CSMD1: variants seen among roughly 807,000 people sequenced by gnomAD.
CSMD1 encodes CUB and Sushi multiple domains 1, also known as CUB and sushi domain-containing protein 1.
Under a neutral mutation model 417.5 loss-of-function variants are expected in CSMD1, and 213 were observed. The observed-to-expected ratio is 0.51, with a 90% CI of 0.46 to 0.57. The LOEUF is 0.57. CSMD1 is among the 20% of genes least tolerant of loss of function. The pLI is 0.00. For synonymous variants in CSMD1, 2,862 were observed against 1,736.8 expected (o/e 1.65, Z -16.11); for missense variants, 6,923 against 4,529.7 (o/e 1.53, Z -15.17).
intron 69 of CSMD1, among the ~76,000 whole-genome samples, chr8:2,940,568 G>C (rs1173946343): frequency 1.3e-5 from 2 of 152,156 alleles, no homozygotes; most frequent in African/African-American, 4.8e-5. Context: ...CCTTCACGGA[G>C]ACACCCAACT....
At chr8:4,795,872 G>A (rs978193656) in intron 1 of CSMD1, among the ~76,000 whole-genome samples, 1 of 152,064 alleles carries the variant, frequency 6.6e-6, no homozygotes, top group African/African-American at 2.4e-5. Flanking sequence ...GGAACCATGA[G>A]GTGTTGTTCT....
intron 2 of CSMD1, among the ~76,000 whole-genome samples, chr8:4,482,673 T>A (rs1489343754): frequency 2.6e-5 from 4 of 152,214 alleles, no homozygotes; most frequent in Non-Finnish European, 4.4e-5. Context: ...GTTTCCACAC[T>A]GTCTTCCACA....
intron 3 of CSMD1, among the ~76,000 whole-genome samples, chr8:4,248,474 C>A (rs952860408): frequency 1.3e-5 from 2 of 152,136 alleles, no homozygotes; most frequent in Non-Finnish European, 2.9e-5. Flanking sequence ...TCAGTCGTTA[C>A]TTACGAATAC....
At chr8:4,578,437 G>T (rs62486669) in intron 2 of CSMD1, among the ~76,000 whole-genome samples, 149,368 of 149,368 alleles carry the variant, frequency 1, 74,684 homozygotes, top group Non-Finnish European at 1. Context: ...CCTCAGCAAG[G>T]GACTACATCA....
chr8:3,178,410 T>G (rs1054677473), intron 37 of CSMD1, among the ~76,000 whole-genome samples: 3 of 152,048 alleles, frequency 2.0e-5, no homozygotes, highest in Non-Finnish European at 4.4e-5. Flanking sequence ...TCTCCAGACA[T>G]TTTTCAGAGA....
chr8:4,268,555 A>G (rs959622174), intron 3 of CSMD1, among the ~76,000 whole-genome samples: 2 of 152,174 alleles, frequency 1.3e-5, no homozygotes, highest in Non-Finnish European at 2.9e-5. Context: ...CACTTACTTG[A>G]AAGATTAGAG....
intron 1 of CSMD1, among the ~76,000 whole-genome samples, chr8:4,876,500 T>C (rs1265317836): frequency 1.3e-5 from 2 of 152,162 alleles, no homozygotes; most frequent in Non-Finnish European, 2.9e-5. Context: ...AGATTGCTTT[T>C]AACAAGACTA....
intron 4 of CSMD1, among the ~76,000 whole-genome samples, chr8:4,007,604 C>T (rs190142988): frequency 6.6e-6 from 1 of 152,202 alleles, no homozygotes; most frequent in Admixed American, 6.5e-5. Flanking sequence ...GGAATGCAAG[C>T]TTTATGAGCC....
chr8:3,179,907 A>G (rs967256721), intron 37 of CSMD1, among the ~76,000 whole-genome samples: 1 of 152,184 alleles, frequency 6.6e-6, no homozygotes, highest in African/African-American at 2.4e-5. Flanking sequence ...TAAGCAGGAA[A>G]ATTTAACCAG....
chr8:3,662,754 C>T (rs1221701397), intron 7 of CSMD1, among the ~76,000 whole-genome samples: 1 of 152,082 alleles, frequency 6.6e-6, no homozygotes, highest in South Asian at 2.1e-4. Flanking sequence ...AAACCAAACC[C>T]CGCATGTTCT....
intron 1 of CSMD1, among the ~76,000 whole-genome samples, chr8:4,720,843 T>C (rs905479200): frequency 5.9e-5 from 9 of 152,188 alleles, no homozygotes; most frequent in Admixed American, 3.3e-4. Flanking sequence ...AAGGAAAGTC[T>C]AGAAGCCAAG....
At chr8:3,745,915 G>A (rs1342117102) in intron 6 of CSMD1, among the ~76,000 whole-genome samples, 1 of 152,166 alleles carries the variant, frequency 6.6e-6, no homozygotes, top group Non-Finnish European at 1.5e-5. Context: ...TCGCCAACCT[G>A]GTCACAGCAG....
At chr8:4,288,506 G>A (rs371797484) in intron 3 of CSMD1, among the ~76,000 whole-genome samples, 1 of 152,114 alleles carries the variant, frequency 6.6e-6, no homozygotes, top group African/African-American at 2.4e-5. Flanking sequence ...CTGCCTTTAG[G>A]TTTACCCAGT....
At chr8:3,110,754 G>A (rs971239849) in intron 42 of CSMD1, among the ~76,000 whole-genome samples, 1 of 152,162 alleles carries the variant, frequency 6.6e-6, no homozygotes, top group African/African-American at 2.4e-5. Flanking sequence ...ATCTGAAAGA[G>A]TGTCATCTAA....
chr8:4,992,514 G>T (rs1430950153), intron 1 of CSMD1, among the ~76,000 whole-genome samples: 1 of 152,192 alleles, frequency 6.6e-6, no homozygotes, highest in African/African-American at 2.4e-5. Flanking sequence ...GAGTTGCGTG[G>T]CAGGTGTTTC....
chr8:4,232,791 T>A (rs1001425222), intron 3 of CSMD1, among the ~76,000 whole-genome samples: 2 of 152,234 alleles, frequency 1.3e-5, no homozygotes, highest in African/African-American at 4.8e-5. Flanking sequence ...TGGAAATGAA[T>A]TGAATGTCAG....
intron 5 of CSMD1, among the ~76,000 whole-genome samples, chr8:3,878,102 T>C (rs1172781486): frequency 6.6e-6 from 1 of 152,190 alleles, no homozygotes; most frequent in Non-Finnish European, 1.5e-5. Context: ...CTTCTGCCTG[T>C]CTTCCTTCCT....
At chr8:4,374,113 T>G (rs1411180591) in intron 3 of CSMD1, among the ~76,000 whole-genome samples, 1 of 152,162 alleles carries the variant, frequency 6.6e-6, no homozygotes, top group Non-Finnish European at 1.5e-5. Flanking sequence ...TTTTCACACC[T>G]GCCATTTTAT....
intron 2 of CSMD1, among the ~76,000 whole-genome samples, chr8:4,480,047 G>A (rs1462984244): frequency 6.6e-6 from 1 of 151,866 alleles, no homozygotes; most frequent in South Asian, 2.1e-4. Context: ...TCTCCCTGGA[G>A]AATGTGGTCG....
Sources: allele counts gnomAD v4.1 joint callset (sites outside exome capture counted in the v4.1 genomes callset), GRCh38; gene constraint gnomAD v4.1.1; transcripts MANE v1.5; gene names NCBI Gene and HGNC (gene_info 2026-07-23, HGNC 2026-07-21).